REEP4: variants seen among roughly 807,000 people sequenced by gnomAD.
The protein encoded by REEP4 is receptor expression-enhancing protein 4.
REEP4 carries 17 observed loss-of-function variants against 33.5 expected under a neutral mutation model. That is an observed-to-expected ratio of 0.51 (90% CI 0.35 to 0.76). The LOEUF is 0.76. Among genes scored for constraint, REEP4 ranks in the 30% least tolerant of loss-of-function variants. The pLI is 0.01. For missense variants in REEP4, 340 were observed against 357.9 expected, an observed-to-expected ratio of 0.95 and a Z score of 0.40; for synonymous variants, 157 against 142.9, an observed-to-expected ratio of 1.10 and a Z score of -0.70.
intron 4 of REEP4, 86 bp from the exon 5 acceptor site, chr8:22,139,615 G>A (rs1187754526): frequency 7.9e-6 from 9 of 1,144,968 alleles, no homozygotes; most frequent in Admixed American, 2.2e-5. Flanking sequence ...TGGTTGTGGC[G>A]CCACCCAGCC....
intron 5 of REEP4, 83 bp downstream of exon 5, chr8:22,139,333 G>A: frequency 8.2e-7 from 1 of 1,226,280 alleles, no homozygotes; most frequent in Non-Finnish European, 1.2e-6. Flanking sequence ...CCATCTCTGG[G>A]CTCCCTGGCA....
chr8:22,138,479 A>C lies in REEP4; in HGVS notation c.*8T>G. The C allele has an allele frequency of 6.2e-7, 1 of 1,613,294 alleles. No individual in the cohort carries two copies. Among genetic ancestry groups the C allele is most frequent in the South Asian group, 1.1e-5 (1 of 91,090 alleles). On this transcript the variant is annotated 3_prime_UTR_variant, in exon 8 of 8. Transcript: ENST00000306306. ...CACGAGGTAAGAAGGGGGCAGATGC[A>C]GCAGACCCTAGCTGTCCACGTCTGA... is the stretch of plus-strand genomic sequence containing the variant.
Position 22,138,748 on chromosome 8 carries a change from C to G in REEP4, c.599G>C (p.Cys200Ser). Residue 200 changes from cysteine to serine, a missense_variant, in exon 7 of 8, where the codon TGT (cysteine) becomes TCT (serine). Physicochemically the swap from Cys to Ser is moderately radical, Grantham distance 112 (BLOSUM62 -1). Coordinates refer to ENST00000306306, the MANE Select transcript of REEP4 (RefSeq NM_025232.4). ...GGGGACTGCCTCAGTATCTGACCAACACTCATCCTCGGTGTCGCTGTCCTG... is the reference window on the plus strand; with the variant it reads ...GGGGACTGCCTCAGTATCTGACCAAGACTCATCCTCGGTGTCGCTGTCCTG... The part of the protein sequence containing the change: ...GLQDSDTEDE[C>S]WSDTEAVPRA... 6.2e-7 allele frequency: 1 copy of G among 1,611,216 alleles called. No individual in the cohort carries two copies. The highest frequency in any genetic ancestry group is 8.5e-7 in the Non-Finnish European group (1 of 1,179,242).
chr8:22,140,464 T>C (rs1827211577), intron 2 of REEP4, 161 bp downstream of exon 2: 1 of 649,110 alleles, frequency 1.5e-6, no homozygotes, highest in African/African-American at 2.0e-5. Flanking sequence ...CCCGATGGCC[T>C]GCCCTCTATC....
At chr8:22,141,419 G>A (rs1340535049) in intron 1 of REEP4, 32 bp downstream of exon 1, 3 of 1,596,558 alleles carry the variant, frequency 1.9e-6, no homozygotes, top group Middle Eastern at 1.7e-4. Context: ...GGCACCCCGG[G>A]GTAGAGGAGG....
At chr8:22,139,273 C>T (rs757881289) in intron 5 of REEP4, 143 bp downstream of exon 5, 20 of 926,268 alleles carry the variant, frequency 2.2e-5, no homozygotes, top group Admixed American at 9.9e-5. Context: ...TCCAGCTCCA[C>T]GCTTCTGCCA....
chr8:22,141,435 G>A lies in REEP4; in HGVS notation c.32+16C>T. ...GCACCCCGGGGTAGAGGAGGTCTGA[G>A]GGCGGCCATACTCACACCACCAGGC... On this transcript the variant is annotated intron_variant, in intron 1 of 7. Coordinates refer to ENST00000306306, the MANE Select transcript of REEP4 (RefSeq NM_025232.4). 1 of 1,602,022 alleles carries A rather than the reference G, an allele frequency of 6.2e-7. No homozygotes were observed. The highest frequency in any genetic ancestry group is 8.5e-7 in the Non-Finnish European group (1 of 1,174,874).
intron 1 of REEP4, among the ~76,000 whole-genome samples, chr8:22,140,955 G>C (rs1404338205): frequency 6.6e-6 from 1 of 152,260 alleles, no homozygotes; most frequent in Non-Finnish European, 1.5e-5. Flanking sequence ...ACTCCACGAA[G>C]TGGGTGAGAA....
intron 4 of REEP4, 29 bp downstream of exon 4, chr8:22,139,934 G>A (rs1827199028): frequency 1.3e-6 from 2 of 1,560,776 alleles, no homozygotes; most frequent in Non-Finnish European, 1.7e-6. Context: ...CCACCCCTAA[G>A]CCTCCCTTCC....
intron 2 of REEP4, 155 bp downstream of exon 2, chr8:22,140,470 C>G: frequency 3.2e-6 from 2 of 622,956 alleles, no homozygotes; most frequent in Non-Finnish European, 5.2e-6. Context: ...GGCCTGCCCT[C>G]TATCTACACC....
intron 3 of REEP4, 31 bp downstream of exon 3, chr8:22,140,141 G>C (rs762060739): frequency 6.2e-7 from 1 of 1,614,140 alleles, no homozygotes; most frequent in Non-Finnish European, 8.5e-7. Context: ...GGCCACCCCT[G>C]ACCCATGGCT....
rs780685588 is a variant in REEP4 at position 22,140,099 on chromosome 8, G to C, written c.183-16C>G. ...GAAAGGGAACCTGTCACAGCACAAG[G>C]GGCAGGGTGAGCCAAGGAGCAGGGC... On this transcript the variant is annotated splice_polypyrimidine_tract_variant and intron_variant, in intron 3 of 7. Coordinates refer to ENST00000306306, the MANE Select transcript of REEP4 (RefSeq NM_025232.4). The C allele has an allele frequency of 1.2e-6, 2 of 1,614,048 alleles. No homozygotes were observed. The highest frequency in any genetic ancestry group is 1.7e-5 in the Admixed American group (1 of 60,022).
Position 22,139,044 on chromosome 8 carries a change from G to A in REEP4, c.435C>T (p.Ala145=), listed in dbSNP as rs777205134. The A allele has an allele frequency of 7.6e-5, 119 of 1,575,632 alleles. No homozygotes were observed. Among genetic ancestry groups the A allele is most frequent in the African/African-American group, 1.5e-4 (11 of 73,856 alleles). ...QAATKSQGAL[A]GRLRSFSMQD... ...GCATGGAGAAGCTCCGCAGCCTGCC[G>A]GCCAGCGCCCCCTGACTCTGCGAGG... Residue 145 remains alanine, a synonymous_variant, in exon 6 of 8, where the codon GCC becomes GCT. Transcript: ENST00000306306.
chr8:22,141,871 A>G lies in REEP4; in HGVS notation c.-389T>C, dbSNP rs1419739597. On this transcript the variant is annotated 5_prime_UTR_variant, in exon 1 of 8. Transcript: ENST00000306306. ...CCACCAGCACCGGCCTACAGGGCGG[A>G]GTTCGCAACTCACTTGAAAGTTGCA... 5 of 228,746 alleles carry G rather than the reference A, an allele frequency of 2.2e-5. No individual in the cohort carries two copies. The highest frequency in any genetic ancestry group is 4.3e-5 in the Non-Finnish European group (5 of 117,322). 14.2% of individuals were successfully genotyped at this position (228,746 alleles called of 1,614,324 possible).
In REEP4 at chr8:22,139,013, G is replaced by T; in HGVS notation, c.466C>A (p.Leu156Met). 1 of 1,603,478 alleles carries T rather than the reference G, an allele frequency of 6.2e-7. No individual in the cohort carries two copies. The highest frequency in any genetic ancestry group is 8.5e-7 in the Non-Finnish European group (1 of 1,175,452). The change falls in exon 6 of 8, where the codon CTG becomes ATG. Residue 156 changes from leucine to methionine, a missense_variant. Coordinates refer to ENST00000306306, the MANE Select transcript of REEP4 (RefSeq NM_025232.4). ...GCAGGTGCGTCAGAGATGGAGCGCA[G>T]GTCCTGCATGGAGAAGCTCCGCAGC... ...GRLRSFSMQD[L>M]RSISDAPAPA... is the part of the protein sequence containing the mutation.
At chr8:22,139,248 G>A in intron 5 of REEP4, 168 bp downstream of exon 5, 1 of 972,134 alleles carries the variant, frequency 1.0e-6, no homozygotes, top group South Asian at 1.4e-5. Context: ...CCAGAGCCAG[G>A]AAGGAAGGTC....
intron 1 of REEP4, 113 bp downstream of exon 1, chr8:22,141,338 T>A (rs763437537): frequency 7.9e-7 from 1 of 1,273,258 alleles, no homozygotes; most frequent in African/African-American, 1.5e-5. Flanking sequence ...TTGCATGGAG[T>A]GCTGGAGGGT....
chr8:22,140,514 A>C, intron 2 of REEP4, 111 bp downstream of exon 2: 1 of 977,732 alleles, frequency 1.0e-6, no homozygotes, highest in Non-Finnish European at 1.6e-6. Context: ...CTCCCTCCCC[A>C]CTCCACTCAG....
rs1347666188 is a variant in REEP4, at chr8:22,139,951, C to T, written c.303+12G>A. On this transcript the variant is annotated intron_variant, in intron 4 of 7. Coordinates refer to ENST00000306306, the MANE Select transcript of REEP4 (RefSeq NM_025232.4). ...ACCCCTAAGCCTCCCTTCCCGCTTC[C>T]CCCTGGGGTACCTTCTCATGGCGGG... The T allele has an allele frequency of 1.3e-6, 2 of 1,579,166 alleles. No individual in the cohort carries two copies. Among genetic ancestry groups the T allele is most frequent in the South Asian group, 1.2e-5 (1 of 86,846 alleles).
Sources: gnomAD v4.1 joint callset for allele counts (sites outside exome capture counted in the v4.1 genomes callset) on GRCh38, gnomAD v4.1.1 for gene constraint, MANE v1.5 for transcripts, NCBI Gene and HGNC (gene_info 2026-07-23, HGNC 2026-07-21) for gene names.